Variants in SGCE observed in about 807,000 individuals in gnomAD.
SGCE encodes epsilon-sarcoglycan.
Under a neutral mutation model 57.8 loss-of-function variants are expected in SGCE, and 26 were observed. The ratio of observed to expected loss-of-function variants is 0.45; its 90% confidence interval spans 0.33 to 0.62. The LOEUF is 0.62. Ranked by LOEUF, SGCE falls within the 20% of genes least tolerant of loss-of-function variation. The probability of loss-of-function intolerance (pLI) is 0.02; values close to 1 mark genes in which losing one functional copy is unlikely to be tolerated. For missense variants in SGCE, 468 were observed against 548.6 expected, an observed-to-expected ratio of 0.85 and a Z score of 1.47; for synonymous variants, 183 against 189.5, an observed-to-expected ratio of 0.97 and a Z score of 0.28.
At position 94,588,692 on chromosome 7, in the gene SGCE, T is replaced by C. The variant is rs776313613; in HGVS notation, c.1294A>G (p.Thr432Ala). 6.3e-6 allele frequency: 10 copies of C among 1,594,670 alleles called. No individual in the cohort carries two copies. The East Asian group carries it at 2.0e-4, about 32-fold the overall frequency. The stretch of plus-strand genomic sequence containing the variant: ...ATTTATTATTCTTAGCACTCACCTG[T>C]AGTCTGCTGTTGGGGAATCTGAGTC... ...HQTQIPQQQT[T>A]GKWYP The change falls in exon 10 of 11, where the codon ACA becomes GCA. Residue 432 changes from threonine (T) to alanine (A), a missense_variant. Coordinates refer to ENST00000648936, the MANE Select transcript of SGCE (RefSeq NM_003919.3).
At chr7:94,625,345 GAT>G (rs1803524387) in intron 3 of SGCE, 2 of 152,004 alleles carry the variant, frequency 1.3e-5, no homozygotes, top group South Asian at 4.1e-4. Context: ...TTATATGAAA[GAT>G]ATGGTAAACT....
intron 5 of SGCE, among the ~76,000 whole-genome samples, chr7:94,615,880 A>C (rs897760777): frequency 6.6e-5 from 10 of 152,190 alleles, no homozygotes; most frequent in African/African-American, 2.4e-4. Flanking sequence ...ATACATCCAC[A>C]AGGCCTTAGC....
chr7:94,648,946 T>A (rs1409819388), intron 1 of SGCE, among the ~76,000 whole-genome samples: 1 of 152,152 alleles, frequency 6.6e-6, no homozygotes, highest in Admixed American at 6.5e-5. Context: ...ATAATCAAAG[T>A]GGTGATCAGA....
intron 5 of SGCE, among the ~76,000 whole-genome samples, chr7:94,616,239 C>G (rs897479734): frequency 1.3e-5 from 2 of 152,154 alleles, no homozygotes; most frequent in African/African-American, 4.8e-5. Flanking sequence ...CTGAGGGCTA[C>G]TCTTGGTCAT....
intron 1 of SGCE, among the ~76,000 whole-genome samples, chr7:94,631,298 C>CT (rs570209453): frequency 0.092 from 13,400 of 146,268 alleles, 634 homozygotes; most frequent in East Asian, 0.13. Flanking sequence ...GAATTTTATA[C>CT]TTTTTTTTTT....
At chr7:94,627,077 C>T (rs991912646) in intron 3 of SGCE, 3 of 151,872 alleles carry the variant, frequency 2.0e-5, no homozygotes, top group Non-Finnish European at 4.4e-5. Context: ...CTTCTAAGTA[C>T]CTGTCTATCT....
At chr7:94,594,432 C>T (rs1476139541) in intron 9 of SGCE, 2 of 152,012 alleles carry the variant, frequency 1.3e-5, no homozygotes, top group Non-Finnish European at 2.9e-5. Context: ...TACACAATAC[C>T]TGGCTATAGC....
chr7:94,646,898 G>A (rs565690213), intron 1 of SGCE, among the ~76,000 whole-genome samples: 1 of 152,168 alleles, frequency 6.6e-6, no homozygotes, highest in African/African-American at 2.4e-5. Flanking sequence ...GTATAACCAG[G>A]AGGGTACAAA....
rs1183187197 is a variant in SGCE at position 94,598,946 on chromosome 7, T to C, written c.1082A>G (p.His361Arg). 1 of 1,613,588 alleles carries C rather than the reference T, an allele frequency of 6.2e-7. No homozygotes were observed. Among genetic ancestry groups the C allele is most frequent in the East Asian group, 2.2e-5 (1 of 44,844 alleles). The change falls in exon 9 of 11, where the codon CAC becomes CGC. Residue 361 changes from histidine (H) to arginine (R), a missense_variant. Transcript: ENST00000648936. ...CTTGGTAGATTTCTGAATAGCACTGTGATGGACCAGTTGGATGCTAGGTCA... is the reference window on the plus strand; with the variant it reads ...CTTGGTAGATTTCTGAATAGCACTGCGATGGACCAGTTGGATGCTAGGTCA... ...MQTPDIQLVH[H>R]SAIQKSTKEL... is the part of the protein sequence containing the mutation.
At chr7:94,637,057 C>T (rs1355813085) in intron 1 of SGCE, among the ~76,000 whole-genome samples, 2 of 145,404 alleles carry the variant, frequency 1.4e-5, no homozygotes, top group African/African-American at 5.1e-5. Flanking sequence ...GAAACTCCAT[C>T]TCAAAAAAAA....
intron 5 of SGCE, among the ~76,000 whole-genome samples, chr7:94,615,446 CATAG>C (rs768647717): frequency 3.9e-5 from 6 of 151,936 alleles, no homozygotes; most frequent in Admixed American, 1.3e-4. Context: ...TGTAAGTTAC[CATAG>C]ATAGAGACAA....
chr7:94,587,171 A>G, intron 10 of SGCE: 1 of 984,826 alleles, frequency 1.0e-6, no homozygotes, highest in South Asian at 4.7e-5. Flanking sequence ...ATATTTGTTT[A>G]GGCATAAATT....
chr7:94,601,459 A>G (rs1465246471), intron 6 of SGCE, among the ~76,000 whole-genome samples: 2 of 68,562 alleles, frequency 2.9e-5, no homozygotes, highest in African/African-American at 7.1e-5. Flanking sequence ...AAAAAAAAAA[A>G]AAAAAAAAAA....
intron 3 of SGCE, chr7:94,624,162 CAAAA>C (rs11331999): frequency 2.8e-5 from 10 of 351,478 alleles, no homozygotes; most frequent in Admixed American, 1.0e-4. Flanking sequence ...TGCAGTACCT[CAAAA>C]AAAAAAAAAA....
intron 5 of SGCE, among the ~76,000 whole-genome samples, chr7:94,614,106 T>TTAAAAA (rs1562832897): frequency 1.8e-5 from 1 of 55,168 alleles, no homozygotes; most frequent in African/African-American, 8.6e-5. Context: ...CAAATTGAAA[T>TTAAAAA]CAAAAAAAAA....
At chr7:94,638,827 C>T (rs1396585135) in intron 1 of SGCE, among the ~76,000 whole-genome samples, 1 of 152,128 alleles carries the variant, frequency 6.6e-6, no homozygotes, top group Non-Finnish European at 1.5e-5. Context: ...ATCAATCAAT[C>T]ATTTACAGGT....
chr7:94,653,993 G>A (rs1346341858), intron 1 of SGCE, among the ~76,000 whole-genome samples: 2 of 151,952 alleles, frequency 1.3e-5, no homozygotes, highest in East Asian at 3.8e-4. Context: ...TTAACTTTTA[G>A]AAAGTATTTA....
intron 1 of SGCE, among the ~76,000 whole-genome samples, chr7:94,649,285 C>T (rs780679693): frequency 6.6e-6 from 1 of 152,062 alleles, no homozygotes; most frequent in Non-Finnish European, 1.5e-5. Flanking sequence ...AAAGAGTGAC[C>T]GAAGAAGAAA....
At chr7:94,633,623 CA>C (rs923886903) in intron 1 of SGCE, among the ~76,000 whole-genome samples, 10 of 149,516 alleles carry the variant, frequency 6.7e-5, no homozygotes, top group Admixed American at 2.7e-4. Flanking sequence ...AAAGCAGTAG[CA>C]AAAAAAAAGG....
Sources: gnomAD v4.1 joint callset for allele counts (sites outside exome capture counted in the v4.1 genomes callset) on GRCh38, gnomAD v4.1.1 for gene constraint, MANE v1.5 for transcripts, NCBI Gene and HGNC (gene_info 2026-07-23, HGNC 2026-07-21) for gene names.